ATRNL1: variants seen among roughly 807,000 people sequenced by gnomAD.
ATRNL1 encodes attractin-like protein 1.
A neutral mutation model predicts 182.7 loss-of-function variants in ATRNL1; 95 were observed. That is an observed-to-expected ratio of 0.52 (90% CI 0.44 to 0.62). The LOEUF (loss-of-function observed/expected upper bound fraction) is 0.62. Ranked by LOEUF, ATRNL1 falls within the 20% of genes least tolerant of loss-of-function variation. ATRNL1 has a pLI of 0.00. For synonymous variants in ATRNL1, 576 were observed against 568.3 expected (o/e 1.01, Z -0.19); for missense variants, 1,471 against 1,679.5 (o/e 0.88, Z 2.17).
At chr10:115,888,262 C>T (rs1555110268) in intron 28 of ATRNL1, among the ~76,000 whole-genome samples, 1 of 152,128 alleles carries the variant, frequency 6.6e-6, no homozygotes, top group Non-Finnish European at 1.5e-5. Flanking sequence ...AGATTCTTTC[C>T]TCTTGTTCTG....
chr10:115,646,105 A>AAGT lies in ATRNL1; in HGVS notation c.3796-81142_3796-81140dup, dbSNP rs147211019. Among the ~76,000 whole-genome samples, 492 of 151,490 alleles carry AAGT rather than the reference A, an allele frequency of 3.2e-3. 3 individuals carry two copies. Among genetic ancestry groups the AAGT allele is most frequent in the African/African-American group, 0.012 (478 of 41,398 alleles). Reference sequence around the variant, plus strand: ...CCCATTTAAGCTGAGGGAATACTAGAAGTTATGGATGATCTGTATAAAGGA... The same window carrying AAGT: ...CCCATTTAAGCTGAGGGAATACTAGAAGTAGTTATGGATGATCTGTATAAAGGA... On this transcript the variant is annotated intron_variant, in intron 26 of 28. Transcript: ENST00000355044.
intron 28 of ATRNL1, among the ~76,000 whole-genome samples, chr10:115,863,223 C>A (rs1413113049): frequency 1.3e-5 from 2 of 151,992 alleles, no homozygotes; most frequent in East Asian, 3.9e-4. Flanking sequence ...TGGGAGAACC[C>A]AAAATGAAAT....
At chr10:115,283,597 A>G (rs1852473232) in intron 14 of ATRNL1, among the ~76,000 whole-genome samples, 2 of 152,216 alleles carry the variant, frequency 1.3e-5, no homozygotes, top group East Asian at 1.9e-4. Flanking sequence ...AGATGATACT[A>G]AGAAGTTGAA....
At chr10:115,625,882 C>A (rs964684381) in intron 26 of ATRNL1, among the ~76,000 whole-genome samples, 4 of 152,278 alleles carry the variant, frequency 2.6e-5, no homozygotes, top group East Asian at 3.9e-4. Flanking sequence ...GCCCCTCAAG[C>A]AGCCCCAACT....
rs113019576 is a variant in ATRNL1, at chr10:115,898,478, A to G, written c.4019-46180A>G. On this transcript the variant is annotated intron_variant, in intron 28 of 28. Coordinates refer to ENST00000355044, the MANE Select transcript of ATRNL1 (RefSeq NM_207303.4). Reference sequence around the variant, plus strand: ...GACAGGATTGTCTACCCCATGCTCTACTGTGTGCCTGGCAGTGCTACTGTG... The same window carrying G: ...GACAGGATTGTCTACCCCATGCTCTGCTGTGTGCCTGGCAGTGCTACTGTG... Among the ~76,000 whole-genome samples the G allele has an allele frequency of 3.4e-3, 520 of 152,132 alleles. 1 individual carries two copies. The highest frequency in any genetic ancestry group is 0.012 in the African/African-American group (481 of 41,514).
At chr10:115,147,364 T>G (rs1032957748) in intron 5 of ATRNL1, among the ~76,000 whole-genome samples, 8 of 152,312 alleles carry the variant, frequency 5.3e-5, no homozygotes, top group Middle Eastern at 6.8e-3. Flanking sequence ...ATCCTGGATT[T>G]TAGGTCCCTG....
chr10:115,654,418 C>T (rs1203077849), intron 26 of ATRNL1, among the ~76,000 whole-genome samples: 5 of 151,894 alleles, frequency 3.3e-5, no homozygotes, highest in Admixed American at 3.3e-4. Context: ...GGGGTTTTGC[C>T]ATGTTGACCA....
intron 10 of ATRNL1, among the ~76,000 whole-genome samples, chr10:115,259,935 A>G (rs1425388857): frequency 6.6e-6 from 1 of 152,194 alleles, no homozygotes; most frequent in Non-Finnish European, 1.5e-5. Flanking sequence ...AAGGAACTGA[A>G]ATATTTTATT....
At chr10:115,301,210 T>G (rs114752367) in intron 16 of ATRNL1, among the ~76,000 whole-genome samples, 1,790 of 152,320 alleles carry the variant, frequency 0.012, 33 homozygotes, top group African/African-American at 0.04. Context: ...TGTGGGTGTA[T>G]GAATAACTGT....
intron 25 of ATRNL1, among the ~76,000 whole-genome samples, chr10:115,531,531 C>A (rs1285588099): frequency 6.6e-6 from 1 of 150,660 alleles, no homozygotes; most frequent in Admixed American, 6.6e-5. Context: ...GATATTAGTC[C>A]TTTGTCAGAT....
At chr10:115,665,941 A>G (rs1364212001) in intron 26 of ATRNL1, among the ~76,000 whole-genome samples, 3 of 152,148 alleles carry the variant, frequency 2.0e-5, no homozygotes, top group Non-Finnish European at 2.9e-5. Context: ...TGTAACTTTG[A>G]GGCATCTTCT....
At chr10:115,743,073 C>A (rs1555068097) in intron 27 of ATRNL1, among the ~76,000 whole-genome samples, 3 of 151,950 alleles carry the variant, frequency 2.0e-5, no homozygotes, top group Non-Finnish European at 2.9e-5. Flanking sequence ...CATGAGAACT[C>A]ACTCACTATC....
intron 27 of ATRNL1, chr10:115,820,583 A>G (rs782801946): frequency 6.6e-6 from 1 of 152,044 alleles, no homozygotes; most frequent in Non-Finnish European, 1.5e-5. Flanking sequence ...GAACTATATC[A>G]CATCCAGTTA....
chr10:115,638,622 A>G (rs1859042289), intron 26 of ATRNL1, among the ~76,000 whole-genome samples: 1 of 152,166 alleles, frequency 6.6e-6, no homozygotes, highest in Non-Finnish European at 1.5e-5. Context: ...GGAATTAGAT[A>G]TTGGTGGTAA....
chr10:115,136,734 A>G (rs1015226409), intron 5 of ATRNL1, among the ~76,000 whole-genome samples: 4 of 152,172 alleles, frequency 2.6e-5, no homozygotes, highest in Non-Finnish European at 4.4e-5. Context: ...TTGACAAGAT[A>G]TGTTTAAGTT....
chr10:115,891,205 C>A (rs964330871), intron 28 of ATRNL1, among the ~76,000 whole-genome samples: 1 of 152,012 alleles, frequency 6.6e-6, no homozygotes, highest in African/African-American at 2.4e-5. Context: ...ATATTCAAAG[C>A]TTGGGCAGCC....
At chr10:115,215,623 G>T in intron 8 of ATRNL1, 74 bp from the exon 9 acceptor site, 2 of 1,106,132 alleles carry the variant, frequency 1.8e-6, no homozygotes, top group Non-Finnish European at 2.5e-6. Flanking sequence ...TTAACTTGTT[G>T]GTATTTTGGT....
chr10:115,374,010 G>A lies in ATRNL1; in HGVS notation c.3176-20649G>A, dbSNP rs190286672. On this transcript the variant is annotated intron_variant, in intron 19 of 28. Coordinates refer to ENST00000355044, the MANE Select transcript of ATRNL1 (RefSeq NM_207303.4). Reference sequence around the variant, plus strand: ...GCCATCAGGATCTGAGCTTTTCTTTGATGGTAGACTTTTCAATATTTATTT... The same window carrying A: ...GCCATCAGGATCTGAGCTTTTCTTTAATGGTAGACTTTTCAATATTTATTT... 1.8e-3 allele frequency among the ~76,000 whole-genome samples: 272 copies of A among 151,934 alleles called. 2 individuals carry two copies. The highest frequency in any genetic ancestry group is 6.2e-3 in the African/African-American group (258 of 41,526).
At position 115,807,595 on chromosome 10, in the gene ATRNL1, C is replaced by G. The variant is rs183048549; in HGVS notation, c.3904-40282C>G. 1.6e-3 allele frequency among the ~76,000 whole-genome samples: 249 copies of G among 152,324 alleles called. 4 individuals are homozygous for G. The highest frequency in any genetic ancestry group is 5.8e-3 in the African/African-American group (243 of 41,580). ...ACACAGAAATTACTCGCATTTAGAT[C>G]TGCACCTCAACCACATTGAAAGGGT... On this transcript the variant is annotated intron_variant, in intron 27 of 28. Coordinates refer to ENST00000355044, the MANE Select transcript of ATRNL1 (RefSeq NM_207303.4).
Sources: allele counts gnomAD v4.1 joint callset (sites outside exome capture counted in the v4.1 genomes callset), GRCh38; gene constraint gnomAD v4.1.1; transcripts MANE v1.5; gene names NCBI Gene and HGNC (gene_info 2026-07-23, HGNC 2026-07-21).